Variants in ADGRL2 observed in about 807,000 individuals in gnomAD.
ADGRL2 encodes the protein calcium-independent alpha-latrotoxin receptor 2.
A neutral mutation model predicts 157.4 loss-of-function variants in ADGRL2; 44 were observed. The ratio of observed to expected loss-of-function variants is 0.28; its 90% confidence interval spans 0.22 to 0.36. The LOEUF (loss-of-function observed/expected upper bound fraction) is 0.36, where lower values mean the gene tolerates loss of function less well. ADGRL2 is among the 10% of genes least tolerant of loss of function. The probability of loss-of-function intolerance (pLI) is 1.00; values close to 1 mark genes in which losing one functional copy is unlikely to be tolerated. For synonymous variants in ADGRL2, 585 were observed against 624.7 expected (o/e 0.94, Z 0.95); for missense variants, 1,510 against 1,768.9 (o/e 0.85, Z 2.63).
intron 2 of ADGRL2, among the ~76,000 whole-genome samples, chr1:81,546,549 T>C (rs989458111): frequency 1.3e-5 from 2 of 152,248 alleles, no homozygotes; most frequent in African/African-American, 4.8e-5. Context: ...TGCCCAGATG[T>C]GCCAAGAAAT....
intron 1 of ADGRL2, among the ~76,000 whole-genome samples, chr1:81,431,336 A>G (rs1275045499): frequency 7.0e-6 from 1 of 142,422 alleles, no homozygotes; most frequent in Non-Finnish European, 1.5e-5. Flanking sequence ...CCTAACCACA[A>G]CCTGACAGAA....
intron 1 of ADGRL2, among the ~76,000 whole-genome samples, chr1:81,731,048 C>T (rs960083459): frequency 6.6e-6 from 1 of 152,166 alleles, no homozygotes; most frequent in Admixed American, 6.5e-5. Context: ...CAACATCTCA[C>T]TCACAGGTGG....
intron 19 of ADGRL2, among the ~76,000 whole-genome samples, chr1:81,982,525 A>T (rs1661962820): frequency 6.6e-6 from 1 of 151,932 alleles, no homozygotes; most frequent in Non-Finnish European, 1.5e-5. Context: ...ATCTGTAGCA[A>T]GAAGATGTAA....
At chr1:81,848,249 G>A (rs2092868178) in intron 2 of ADGRL2, among the ~76,000 whole-genome samples, 1 of 151,824 alleles carries the variant, frequency 6.6e-6, no homozygotes, top group Non-Finnish European at 1.5e-5. Context: ...AAGTAAGTTA[G>A]TAGCAAATTT....
intron 1 of ADGRL2, among the ~76,000 whole-genome samples, chr1:81,808,682 T>C (rs72941160): frequency 6.6e-6 from 1 of 152,230 alleles, no homozygotes; most frequent in African/African-American, 2.4e-5. Context: ...AATAGGTTAT[T>C]ATCAGCGACC....
chr1:81,458,231 G>A (rs1272342546), intron 2 of ADGRL2, among the ~76,000 whole-genome samples: 2 of 148,670 alleles, frequency 1.3e-5, no homozygotes, highest in African/African-American at 5.0e-5. Flanking sequence ...GTTTATTGTG[G>A]TAAGAATACT....
chr1:81,951,195 G>A, intron 8 of ADGRL2, 74 bp downstream of exon 8: 1 of 1,055,714 alleles, frequency 9.5e-7, no homozygotes, highest in Non-Finnish European at 1.5e-6. Flanking sequence ...ATTTAGCTTT[G>A]TGTGTTAAAA....
At chr1:81,492,385 A>G (rs1247975130) in intron 2 of ADGRL2, among the ~76,000 whole-genome samples, 3 of 152,216 alleles carry the variant, frequency 2.0e-5, no homozygotes, top group Non-Finnish European at 2.9e-5. Context: ...TTTAAATATC[A>G]ATATTCAAAT....
intron 2 of ADGRL2, among the ~76,000 whole-genome samples, chr1:81,889,037 A>G (rs2094198460): frequency 6.6e-6 from 1 of 152,094 alleles, no homozygotes; most frequent in Non-Finnish European, 1.5e-5. Flanking sequence ...TGCTCCACCA[A>G]CTGGCCCTTC....
chr1:81,799,006 C>T (rs1047909176), upstream of ADGRL2, among the ~76,000 whole-genome samples: 3 of 152,130 alleles, frequency 2.0e-5, no homozygotes, highest in Non-Finnish European at 4.4e-5. Flanking sequence ...ATCAGTTTGA[C>T]TTATTCTCTT....
intron 2 of ADGRL2, among the ~76,000 whole-genome samples, chr1:81,528,545 G>T (rs1216465390): frequency 6.6e-6 from 1 of 151,448 alleles, no homozygotes; most frequent in Admixed American, 6.6e-5. Context: ...TACTCGGGAG[G>T]CTGAGGCCGG....
intron 1 of ADGRL2, among the ~76,000 whole-genome samples, chr1:81,823,788 G>A (rs1281654101): frequency 6.6e-6 from 1 of 151,982 alleles, no homozygotes. Flanking sequence ...AGAAGGAACA[G>A]TATAACTATA....
At chr1:81,705,359 A>C (rs901611162) in intron 1 of ADGRL2, among the ~76,000 whole-genome samples, 1 of 152,042 alleles carries the variant, frequency 6.6e-6, no homozygotes, top group Non-Finnish European at 1.5e-5. Context: ...GCAGCAATGT[A>C]TAATGTTGTT....
At chr1:81,753,259 G>C (rs1039257896) in intron 1 of ADGRL2, among the ~76,000 whole-genome samples, 7 of 152,200 alleles carry the variant, frequency 4.6e-5, no homozygotes, top group Admixed American at 3.9e-4. Context: ...GAAGGAGCAA[G>C]TCACATCTTA....
intron 2 of ADGRL2, among the ~76,000 whole-genome samples, chr1:81,862,619 A>G (rs796294296): frequency 6.6e-6 from 1 of 152,246 alleles, no homozygotes; most frequent in South Asian, 2.1e-4. Context: ...GCAGATGACT[A>G]TGTTAATAGA....
At chr1:81,761,220 A>T (rs2085870510) in intron 1 of ADGRL2, among the ~76,000 whole-genome samples, 2 of 152,010 alleles carry the variant, frequency 1.3e-5, no homozygotes, top group African/African-American at 4.8e-5. Context: ...CATAATGTTT[A>T]TTCAAAATTA....
upstream of ADGRL2, among the ~76,000 whole-genome samples, chr1:81,697,241 A>G (rs558334800): frequency 6.6e-6 from 1 of 152,334 alleles, no homozygotes; most frequent in African/African-American, 2.4e-5. Flanking sequence ...TTCCTGAACC[A>G]TAATTCCCTA....
At chr1:81,308,198 T>G (rs1432584373) in intron 1 of ADGRL2, among the ~76,000 whole-genome samples, 1 of 152,198 alleles carries the variant, frequency 6.6e-6, no homozygotes, top group Non-Finnish European at 1.5e-5. Context: ...AATGCCGAGT[T>G]GTAAAGTAAA....
At chr1:81,797,968 CT>C (rs1476886671), upstream of ADGRL2, among the ~76,000 whole-genome samples, 1 of 151,942 alleles carries the variant, frequency 6.6e-6, no homozygotes, top group Non-Finnish European at 1.5e-5. Flanking sequence ...TTCCTTTGTC[CT>C]TTGTAGAATT....
Sources: gnomAD v4.1 joint callset for allele counts (sites outside exome capture counted in the v4.1 genomes callset) on GRCh38, gnomAD v4.1.1 for gene constraint, MANE v1.5 for transcripts, NCBI Gene and HGNC (gene_info 2026-07-23, HGNC 2026-07-21) for gene names.